The following LRRC8D variants were observed in gnomAD, a reference collection of about 807,000 sequenced individuals.
The protein encoded by LRRC8D is leucine rich repeat containing 8 VRAC subunit D, also known as volume-regulated anion channel subunit LRRC8D.
LRRC8D carries 20 observed loss-of-function variants against 55.8 expected under a neutral mutation model. The ratio of observed to expected loss-of-function variants is 0.36; its 90% CI spans 0.25 to 0.52. LRRC8D has a LOEUF of 0.52. Ranked by LOEUF, LRRC8D falls within the 20% of genes least tolerant of loss-of-function variation. The probability of loss-of-function intolerance (pLI) is 0.93; values close to 1 mark genes in which losing one functional copy is unlikely to be tolerated. For synonymous variants in LRRC8D, 352 were observed against 377.0 expected (o/e 0.93, Z 0.77); for missense variants, 651 against 1,030.8 (o/e 0.63, Z 5.05).
At chr1:89,859,139 A>G (rs1661633424) in intron 2 of LRRC8D, among the ~76,000 whole-genome samples, 1 of 152,214 alleles carries the variant, frequency 6.6e-6, no homozygotes, top group Admixed American at 6.5e-5. Flanking sequence ...TGGGATGCTT[A>G]TTAAGATAAG....
intron 2 of LRRC8D, among the ~76,000 whole-genome samples, chr1:89,924,356 A>T (rs1663500546): frequency 6.6e-6 from 1 of 152,234 alleles, no homozygotes; most frequent in East Asian, 1.9e-4. Context: ...AATGCAAATC[A>T]AAAAGTCAGT....
In LRRC8D at chr1:89,829,033, G is replaced by A. The variant is rs376473892; in HGVS notation, c.-148+7742G>A. ...CTCTTCAGATTGGGTATTAGATGCC[G>A]TCAGTCAAAATTCTCTTCACTGATT... On this transcript the variant is annotated intron_variant, in intron 1 of 2. Coordinates refer to ENST00000337338, the MANE Select transcript of LRRC8D (RefSeq NM_001134479.2). Among the ~76,000 whole-genome samples the A allele has an allele frequency of 6.2e-4, 95 of 152,270 alleles. 2 individuals carry two copies. The highest frequency in any genetic ancestry group is 2.1e-3 in the African/African-American group (89 of 41,550).
chr1:89,822,747 G>A (rs1660670445), intron 1 of LRRC8D, among the ~76,000 whole-genome samples: 1 of 152,106 alleles, frequency 6.6e-6, no homozygotes. Flanking sequence ...CAGACCTGTG[G>A]GAAGAACCCT....
chr1:89,830,660 T>C (rs1660864569), intron 1 of LRRC8D, among the ~76,000 whole-genome samples: 1 of 152,156 alleles, frequency 6.6e-6, no homozygotes, highest in South Asian at 2.1e-4. Context: ...GAGCAGTGCA[T>C]TGTTGCCGCG....
At chr1:89,864,066 C>T (rs1661785462) in intron 2 of LRRC8D, among the ~76,000 whole-genome samples, 2 of 152,168 alleles carry the variant, frequency 1.3e-5, no homozygotes. Context: ...GCCCCATTGT[C>T]CCATCAAAGA....
chr1:89,907,798 CCAT>C (rs1326913299), intron 2 of LRRC8D, among the ~76,000 whole-genome samples: 6 of 152,190 alleles, frequency 3.9e-5, no homozygotes, highest in Non-Finnish European at 7.3e-5. Flanking sequence ...CTTCTTTCCA[CCAT>C]CACCACCAGC....
Position 89,935,420 on chromosome 1 carries a change from G to A in LRRC8D, c.2352G>A (p.Gln784=). 1 of 1,614,236 alleles carries A rather than the reference G, an allele frequency of 6.2e-7. No individual in the cohort carries two copies. Among genetic ancestry groups the A allele is most frequent in the South Asian group, 1.1e-5 (1 of 91,078 alleles). The change falls in exon 3 of 3, where the codon CAG becomes CAA. Residue 784 remains glutamine (Q), a synonymous_variant. Transcript: ENST00000337338. ...CIKLRTLNLG[Q]NCITSLPEKV... is the part of the protein sequence containing the mutation. ...AGTTGAGGACTTTGAATCTGGGACA[G>A]AACTGCATCACCTCACTCCCAGAGA...
chr1:89,915,442 G>A (rs2100954678), intron 2 of LRRC8D, among the ~76,000 whole-genome samples: 1 of 152,274 alleles, frequency 6.6e-6, no homozygotes, highest in South Asian at 2.1e-4. Context: ...AAAAAAGATG[G>A]CATTTAATTA....
intron 2 of LRRC8D, among the ~76,000 whole-genome samples, chr1:89,874,635 C>T (rs1186343885): frequency 6.6e-6 from 1 of 152,096 alleles, no homozygotes; most frequent in Non-Finnish European, 1.5e-5. Flanking sequence ...TTCTGCCTTC[C>T]TCTCCACTCA....
At chr1:89,902,029 G>A (rs1348174870) in intron 2 of LRRC8D, among the ~76,000 whole-genome samples, 2 of 152,230 alleles carry the variant, frequency 1.3e-5, no homozygotes, top group South Asian at 4.1e-4. Flanking sequence ...CACTTTCTAG[G>A]TGAGCATCTC....
At position 89,911,455 on chromosome 1, in the gene LRRC8D, ATG is replaced by A. The variant is rs972974847; in HGVS notation, c.-2-21608_-2-21607del. ...ACTTGAGTTATAGCTCCTTGTCGAA[ATG>A]TGTTTGTATAATTTGACTTTATGTT... On this transcript the variant is annotated intron_variant, in intron 2 of 2. Coordinates refer to ENST00000337338, the MANE Select transcript of LRRC8D (RefSeq NM_001134479.2). This position sits in a 1 kb window ranked among gnomAD's most constrained non-coding sequence, Gnocchi z 4.0. 6.6e-6 allele frequency among the ~76,000 whole-genome samples: 1 copy of A among 152,152 alleles called. No homozygotes were observed. Among genetic ancestry groups the A allele is most frequent in the African/African-American group, 2.4e-5 (1 of 41,422 alleles).
chr1:89,822,777 G>C (rs1043817291), intron 1 of LRRC8D, among the ~76,000 whole-genome samples: 1 of 152,068 alleles, frequency 6.6e-6, no homozygotes, highest in Non-Finnish European at 1.5e-5. Context: ...CCTGTAAATG[G>C]GGTCCTCAGG....
chr1:89,934,069 G>A lies in LRRC8D; in HGVS notation c.1001G>A (p.Ser334Asn). The A allele has an allele frequency of 6.2e-7, 1 of 1,614,168 alleles. No homozygotes were observed. Among genetic ancestry groups the A allele is most frequent in the South Asian group, 1.1e-5 (1 of 91,070 alleles). Residue 334 changes from serine to asparagine, a missense_variant, in exon 3 of 3, where the codon AGC becomes AAC. Physicochemically the swap from Ser to Asn is conservative, Grantham distance 46. Coordinates refer to ENST00000337338, the MANE Select transcript of LRRC8D (RefSeq NM_001134479.2). This position sits in a 1 kb window ranked among gnomAD's most constrained non-coding sequence, Gnocchi z 5.9. Reference protein sequence around the residue: ...CYTANFVNAISFEHVCKPKVE... With the variant: ...CYTANFVNAINFEHVCKPKVE... Reference sequence around the variant, plus strand: ...ACAGCGAACTTTGTCAACGCAATCAGCTTTGAACACGTCTGCAAGCCCAAA... The same window carrying A: ...ACAGCGAACTTTGTCAACGCAATCAACTTTGAACACGTCTGCAAGCCCAAA...
intron 2 of LRRC8D, among the ~76,000 whole-genome samples, chr1:89,920,590 AC>A (rs1663387270): frequency 6.6e-6 from 1 of 151,816 alleles, no homozygotes; most frequent in Admixed American, 6.6e-5. Flanking sequence ...CCAGTGACTT[AC>A]GTTTCGTTTC....
intron 2 of LRRC8D, among the ~76,000 whole-genome samples, chr1:89,887,733 C>T (rs1337270685): frequency 6.6e-6 from 1 of 152,118 alleles, no homozygotes; most frequent in Non-Finnish European, 1.5e-5. Flanking sequence ...GTATAGTATC[C>T]TCTTAAGCCT....
intron 1 of LRRC8D, among the ~76,000 whole-genome samples, chr1:89,837,313 G>A (rs1045195495): frequency 6.6e-6 from 1 of 152,114 alleles, no homozygotes; most frequent in South Asian, 2.1e-4. Flanking sequence ...TTTCAGCCTA[G>A]TGCCCCTAGA....
chr1:89,881,257 A>G (rs1557465383), intron 2 of LRRC8D, among the ~76,000 whole-genome samples: 1 of 152,222 alleles, frequency 6.6e-6, no homozygotes, highest in Non-Finnish European at 1.5e-5. Flanking sequence ...AAGTGGGAGT[A>G]TGTGGAAATT....
intron 2 of LRRC8D, among the ~76,000 whole-genome samples, chr1:89,894,869 A>C (rs1312752522): frequency 6.6e-6 from 1 of 152,198 alleles, no homozygotes; most frequent in Non-Finnish European, 1.5e-5. Context: ...TGATACGGAA[A>C]ATTCTGTCAA....
intron 2 of LRRC8D, among the ~76,000 whole-genome samples, chr1:89,875,392 A>G (rs923531925): frequency 6.6e-6 from 1 of 152,228 alleles, no homozygotes. Context: ...CTGAATGCCA[A>G]GCAGTGTTTT....
Sources: allele counts gnomAD v4.1 joint callset (sites outside exome capture counted in the v4.1 genomes callset), GRCh38; gene constraint gnomAD v4.1.1; non-coding constraint Gnocchi (gnomAD v3.1); transcripts MANE v1.5; gene names NCBI Gene and HGNC (gene_info 2026-07-23, HGNC 2026-07-21).